The following MRPS27 variants were observed in gnomAD, a reference collection of about 807,000 sequenced individuals.
The protein encoded by MRPS27 is mitochondrial ribosomal protein S27.
Under a neutral mutation model 48.9 loss-of-function variants are expected in MRPS27, and 43 were observed. That is an observed-to-expected ratio of 0.88 (90% CI 0.69 to 1.13). The LOEUF (loss-of-function observed/expected upper bound fraction) is 1.13, where lower values mean the gene tolerates loss of function less well. Among genes scored for constraint, MRPS27 ranks in the 50% most tolerant of loss-of-function variants. MRPS27 has a pLI of 0.00. For missense variants in MRPS27, 467 were observed against 476.3 expected (o/e 0.98, Z 0.18); for synonymous variants, 188 against 171.9 (o/e 1.09, Z -0.73).
In MRPS27 at chr5:72,220,994, A is replaced by G. The variant is rs1281332856; in HGVS notation, c.1160T>C (p.Val387Ala). Residue 387 changes from valine (V) to alanine (A), a missense_variant, in exon 11 of 11, where the codon GTA becomes GCA. Transcript: ENST00000261413. ...QNLQQWHLDLVQLIQREQQQR... is the reference protein window; with the variant it reads ...QNLQQWHLDLAQLIQREQQQR... Reference sequence around the variant, plus strand: ...TTGCTGTTCTCTCTGGATCAACTGTACAAGGTCTAGATGCCACTGCTGCAG... The same window carrying G: ...TTGCTGTTCTCTCTGGATCAACTGTGCAAGGTCTAGATGCCACTGCTGCAG... 1 of 1,614,166 alleles carries G rather than the reference A, an allele frequency of 6.2e-7. No homozygotes were observed. The highest frequency in any genetic ancestry group is 8.5e-7 in the Non-Finnish European group (1 of 1,180,018).
In MRPS27 at chr5:72,285,015, T is replaced by C. The variant is rs372100071; in HGVS notation, c.281+10516A>G. Among the ~76,000 whole-genome samples, 3 of 152,354 alleles carry C rather than the reference T, an allele frequency of 2.0e-5. No individual in the cohort carries two copies. In the East Asian group the frequency reaches 5.8e-4, roughly 29 times the overall value. On this transcript the variant is annotated intron_variant, in intron 4 of 10. Transcript: ENST00000261413. ...ATTGGGCCAGAGGGTATTGTACTTA[T>C]AATTTTGACAGATGCTGCCAAAGTT...
chr5:72,226,282 A>T (rs781169596), intron 8 of MRPS27, 83 bp from the exon 9 acceptor site: 5 of 1,532,060 alleles, frequency 3.3e-6, no homozygotes, highest in African/African-American at 1.4e-5. Context: ...GCCCAAGTGA[A>T]TGTTCACCTG....
At chr5:72,318,917 G>C (rs1239365106) in intron 1 of MRPS27, among the ~76,000 whole-genome samples, 1 of 152,198 alleles carries the variant, frequency 6.6e-6, no homozygotes, top group Non-Finnish European at 1.5e-5. Context: ...TCTTACTAAG[G>C]TGTCAAGCGT....
intron 4 of MRPS27, among the ~76,000 whole-genome samples, chr5:72,291,790 A>C (rs1749826364): frequency 6.6e-6 from 1 of 152,266 alleles, no homozygotes; most frequent in Admixed American, 6.5e-5. Flanking sequence ...AGCAAAAGCA[A>C]ATGGCCTGTG....
intron 7 of MRPS27, among the ~76,000 whole-genome samples, chr5:72,231,682 T>C (rs1254766598): frequency 1.3e-5 from 2 of 152,168 alleles, no homozygotes; most frequent in Non-Finnish European, 2.9e-5. Flanking sequence ...CTCTTTAGAA[T>C]GTGGTCTGGA....
rs763687059 is a variant in MRPS27 at position 72,220,669 on chromosome 5, GTCC to G, written c.*237_*239del. Reference sequence around the variant, plus strand: ...AGGAACTCCATTATGAGCCTCAAGAGTCCTCCTTAAGGTATTCAGCTGGTGACT... The same window carrying G: ...AGGAACTCCATTATGAGCCTCAAGAGTCCTTAAGGTATTCAGCTGGTGACT... On this transcript the variant is annotated 3_prime_UTR_variant, in exon 11 of 11. Transcript: ENST00000261413. The G allele has an allele frequency of 1.0e-4, 56 of 536,844 alleles. No homozygotes were observed. The highest frequency in any genetic ancestry group is 1.7e-4 in the Non-Finnish European group (53 of 305,604). 33.3% of individuals were successfully genotyped at this position (536,844 alleles called of 1,614,324 possible). A position where few individuals can be genotyped will look rare whatever the true frequency, so the allele number is the denominator to read the frequency against.
intron 4 of MRPS27, among the ~76,000 whole-genome samples, chr5:72,256,087 A>G (rs1029012253): frequency 5.3e-5 from 8 of 152,236 alleles, no homozygotes; most frequent in African/African-American, 1.9e-4. Context: ...AAGTAAGTAG[A>G]TTTGGCAAGC....
chr5:72,295,670 CT>C, intron 3 of MRPS27, 81 bp from the exon 4 acceptor site: 1 of 1,033,320 alleles, frequency 9.7e-7, no homozygotes, highest in Non-Finnish European at 1.5e-6. Context: ...ACACATTGAC[CT>C]TAGAAAACAC....
In MRPS27 at chr5:72,223,720, T is replaced by C. The variant is rs1474949414; in HGVS notation, c.968A>G (p.Glu323Gly). 6 of 1,614,036 alleles carry C rather than the reference T, an allele frequency of 3.7e-6. No homozygotes were observed. In the East Asian group the frequency reaches 1.3e-4, roughly 36 times the overall value. The change falls in exon 10 of 11, where the codon GAG (glutamate) becomes GGG (glycine). Residue 323 changes from glutamate (E) to glycine (G), a missense_variant. Transcript: ENST00000261413. ...LVEQLDIEETEQSKLPQYLER... is the reference protein window; with the variant it reads ...LVEQLDIEETGQSKLPQYLER... ...CAGGTATTGAGGAAGCTTGGACTGC[T>C]CTGTTTCCTCGATGTCTAACTGCTC...
chr5:72,221,230 G>A, intron 10 of MRPS27, 82 bp from the exon 11 acceptor site: 1 of 1,511,264 alleles, frequency 6.6e-7, no homozygotes, highest in East Asian at 2.3e-5. Flanking sequence ...AGCCCTGAGT[G>A]ACTGACTTTA....
At chr5:72,265,721 G>T (rs1367536293) in intron 4 of MRPS27, among the ~76,000 whole-genome samples, 1 of 152,156 alleles carries the variant, frequency 6.6e-6, no homozygotes, top group Non-Finnish European at 1.5e-5. Context: ...AGTGGATGAT[G>T]ATGTTCACAT....
chr5:72,257,175 C>T (rs1748831663), intron 4 of MRPS27, among the ~76,000 whole-genome samples: 1 of 152,092 alleles, frequency 6.6e-6, no homozygotes, highest in African/African-American at 2.4e-5. Flanking sequence ...TATAACTGTA[C>T]ACATGCCAGT....
Position 72,220,773 on chromosome 5 carries a change from C to T in MRPS27, c.*136G>A. On this transcript the variant is annotated 3_prime_UTR_variant, in exon 11 of 11. Transcript: ENST00000261413. Reference sequence around the variant, plus strand: ...TCGATGGGCAGTCATGGTGCCTTGCCATGTAGGGCACATAGCCTGCTTTAA... The same window carrying T: ...TCGATGGGCAGTCATGGTGCCTTGCTATGTAGGGCACATAGCCTGCTTTAA... 1 of 1,281,992 alleles carries T rather than the reference C, an allele frequency of 7.8e-7. No homozygotes were observed. 79.4% of individuals were successfully genotyped at this position (1,281,992 alleles called of 1,614,324 possible). A position where few individuals can be genotyped will look rare whatever the true frequency, so the allele number is the denominator to read the frequency against.
chr5:72,291,497 G>A (rs1749819047), intron 4 of MRPS27, among the ~76,000 whole-genome samples: 1 of 152,168 alleles, frequency 6.6e-6, no homozygotes, highest in Non-Finnish European at 1.5e-5. Flanking sequence ...CTAGCTAGCG[G>A]TAGGTTTAAT....
chr5:72,267,396 C>T (rs147493001), intron 4 of MRPS27, among the ~76,000 whole-genome samples: 4 of 151,990 alleles, frequency 2.6e-5, no homozygotes, highest in Non-Finnish European at 5.9e-5. Context: ...AGACTTCAGT[C>T]CATTGTTCAT....
rs1041204348 is a variant in MRPS27, at chr5:72,238,080, G to A, written c.330C>T (p.His110=). The A allele has an allele frequency of 3.1e-6, 5 of 1,613,482 alleles. No individual in the cohort carries two copies. Among genetic ancestry groups the A allele is most frequent in the Non-Finnish European group, 3.4e-6 (4 of 1,179,700 alleles). The change falls in exon 5 of 11, where the codon CAC becomes CAT. Residue 110 remains histidine (H), a synonymous_variant. Transcript: ENST00000261413. ...ATTTTAGACACTGCCTAATCCAGGT[G>A]TGGATAGTCCAGTTTCTCAGGTACC... ...NCWYLRNWTI[H]TWIRQCLKYD...
intron 4 of MRPS27, chr5:72,288,675 T>C (rs1749739894): frequency 6.6e-6 from 1 of 152,230 alleles, no homozygotes; most frequent in Non-Finnish European, 1.5e-5. Context: ...AATAAAGAAC[T>C]AGGCAATATT....
At chr5:72,276,438 G>A (rs897810007) in intron 4 of MRPS27, among the ~76,000 whole-genome samples, 9 of 152,120 alleles carry the variant, frequency 5.9e-5, no homozygotes, top group Admixed American at 5.9e-4. Context: ...AGATTCAAAT[G>A]TAAAATCTAA....
At position 72,318,687 on chromosome 5, in the gene MRPS27, G is replaced by C. The variant is rs148948922; in HGVS notation, c.73+1462C>G. Among the ~76,000 whole-genome samples, 567 of 152,220 alleles carry C rather than the reference G, an allele frequency of 3.7e-3. 1 individual carries two copies. The highest frequency in any genetic ancestry group is 0.013 in the African/African-American group (551 of 41,524). On this transcript the variant is annotated intron_variant, in intron 1 of 10. Coordinates refer to ENST00000261413, the MANE Select transcript of MRPS27 (RefSeq NM_015084.3). The stretch of plus-strand genomic sequence containing the variant: ...CGCATGCCTGTAATCTCAGCTACTC[G>C]GGAGGCTGAGGCAGGAGAATCACTT...
Sources: allele counts gnomAD v4.1 joint callset (sites outside exome capture counted in the v4.1 genomes callset), GRCh38; gene constraint gnomAD v4.1.1; transcripts MANE v1.5; gene names NCBI Gene and HGNC (gene_info 2026-07-23, HGNC 2026-07-21).